ARHGAP5: variants seen among roughly 807,000 people sequenced by gnomAD.
ARHGAP5 encodes the protein rho GTPase-activating protein 5.
ARHGAP5 carries 23 observed loss-of-function variants against 116.6 expected under a neutral mutation model. The ratio of observed to expected loss-of-function variants is 0.20; its 90% CI spans 0.14 to 0.28. ARHGAP5 has a LOEUF of 0.28. Among genes scored for constraint, ARHGAP5 ranks in the 10% least tolerant of loss-of-function variants. The probability of loss-of-function intolerance (pLI) is 1.00; values close to 1 mark genes in which losing one functional copy is unlikely to be tolerated. For synonymous variants in ARHGAP5, 574 were observed against 602.0 expected (o/e 0.95, Z 0.68); for missense variants, 1,405 against 1,774.8 (o/e 0.79, Z 3.74).
At chr14:32,083,125 T>A (rs1385612013) in intron 1 of ARHGAP5, among the ~76,000 whole-genome samples, 1 of 152,280 alleles carries the variant, frequency 6.6e-6, no homozygotes, top group Non-Finnish European at 1.5e-5. Context: ...GTCTATTTTT[T>A]AAGGTTCACT....
rs570712351 is a variant in ARHGAP5, at chr14:32,146,174, G to A, written c.3866-89G>A. The stretch of plus-strand genomic sequence containing the variant: ...AGTTCTCCCACCTTGGCCTCCCAGA[G>A]TGCTGGGATTACAAACATGAGCCAC... On this transcript the variant is annotated intron_variant, in intron 3 of 6. Coordinates refer to ENST00000345122, the MANE Select transcript of ARHGAP5 (RefSeq NM_001030055.2). The A allele has an allele frequency of 5.2e-6, 5 of 963,434 alleles. No individual in the cohort carries two copies. The East Asian group carries it at 1.3e-4, about 25-fold the overall frequency. The allele number at this position is 963,434 out of a possible 1,614,324, so 59.7% of individuals were successfully genotyped here. A position where few individuals can be genotyped will look rare whatever the true frequency, so the allele number is the denominator to read the frequency against.
intron 1 of ARHGAP5, among the ~76,000 whole-genome samples, chr14:32,084,565 G>C (rs2041810266): frequency 1.3e-5 from 2 of 152,198 alleles, no homozygotes; most frequent in Non-Finnish European, 2.9e-5. Context: ...AGCCCTCACT[G>C]TGTATCAGGC....
chr14:32,121,336 C>T (rs986134617), intron 3 of ARHGAP5, among the ~76,000 whole-genome samples: 1 of 152,006 alleles, frequency 6.6e-6, no homozygotes, highest in Non-Finnish European at 1.5e-5. Flanking sequence ...TGTGATATAT[C>T]TTTTTCTTTA....
Position 32,092,192 on chromosome 14 carries a change from C to T in ARHGAP5, c.1523C>T (p.Ala508Val), listed in dbSNP as rs1878290359. Residue 508 changes from alanine to valine, a missense_variant, in exon 2 of 7, where the codon GCA becomes GTA. By Grantham distance (64) the Ala-to-Val change is moderately conservative. This residue lies in a region of ARHGAP5 where 944 missense variants were observed against 1,095.3 expected (regional missense o/e 0.86). Transcript: ENST00000345122. The surrounding 1 kb of genome is among the most constrained non-coding windows in gnomAD (Gnocchi z 4.1). Reference protein sequence around the residue: ...SELFYDLDLNATPSSDKMSEI... With the variant: ...SELFYDLDLNVTPSSDKMSEI... ...CTTTTTTATGATTTAGATCTTAATG[C>T]AACACCTAGTTCAGATAAAATGAGT... is the stretch of plus-strand genomic sequence containing the variant. 1.2e-6 allele frequency: 2 copies of T among 1,613,380 alleles called. No individual in the cohort carries two copies. The highest frequency in any genetic ancestry group is 1.3e-5 in the African/African-American group (1 of 74,896).
chr14:32,098,851 T>C (rs1410583076), intron 2 of ARHGAP5, among the ~76,000 whole-genome samples: 4 of 152,194 alleles, frequency 2.6e-5, no homozygotes, highest in Non-Finnish European at 2.9e-5. Flanking sequence ...TTACCAATGT[T>C]AGAGATTTTT....
chr14:32,151,911 T>G (rs1470815709), intron 5 of ARHGAP5, among the ~76,000 whole-genome samples: 1 of 151,916 alleles, frequency 6.6e-6, no homozygotes, highest in Non-Finnish European at 1.5e-5. Context: ...AAATAGATAA[T>G]GTTAGTTGAA....
At chr14:32,097,208 T>G (rs1878568474) in intron 2 of ARHGAP5, among the ~76,000 whole-genome samples, 1 of 152,308 alleles carries the variant, frequency 6.6e-6, no homozygotes, top group African/African-American at 2.4e-5. Flanking sequence ...AAACATAGCT[T>G]ATTCCAAGGG....
rs1313064193 is a variant in ARHGAP5, at chr14:32,156,780, C to G, written c.*1832C>G. On this transcript the variant is annotated 3_prime_UTR_variant, in exon 7 of 7. Coordinates refer to ENST00000345122, the MANE Select transcript of ARHGAP5 (RefSeq NM_001030055.2). Reference sequence around the variant, plus strand: ...ACTTTAAGAGTTTTATAAACTGTTTCTAGGTTGCTAAAGAATTTATTTTTC... The same window carrying G: ...ACTTTAAGAGTTTTATAAACTGTTTGTAGGTTGCTAAAGAATTTATTTTTC... 1 of 152,252 alleles carries G rather than the reference C, an allele frequency of 6.6e-6. No individual in the cohort carries two copies. The highest frequency in any genetic ancestry group is 1.5e-5 in the Non-Finnish European group (1 of 67,790). The allele number at this position is 152,252 out of a possible 1,614,324, so 9.4% of individuals were successfully genotyped here.
chr14:32,142,032 A>G (rs1346243819), intron 3 of ARHGAP5, among the ~76,000 whole-genome samples: 4 of 151,802 alleles, frequency 2.6e-5, no homozygotes, highest in Non-Finnish European at 5.9e-5. Context: ...TAACCTCTCA[A>G]CCTCTCTGGT....
At chr14:32,101,664 A>C (rs1365072779) in intron 2 of ARHGAP5, among the ~76,000 whole-genome samples, 1 of 151,998 alleles carries the variant, frequency 6.6e-6, no homozygotes, top group Admixed American at 6.6e-5. Flanking sequence ...AAAAAAAAAA[A>C]AAACTGGGTG....
chr14:32,152,626 G>T, intron 6 of ARHGAP5, 98 bp downstream of exon 6: 1 of 610,778 alleles, frequency 1.6e-6, no homozygotes, highest in Non-Finnish European at 2.8e-6. Context: ...ATAGAAAAGG[G>T]GACTCAGACT....
At chr14:32,119,424 G>C (rs1879771967) in intron 3 of ARHGAP5, among the ~76,000 whole-genome samples, 1 of 152,120 alleles carries the variant, frequency 6.6e-6, no homozygotes, top group East Asian at 1.9e-4. Flanking sequence ...AACCTTTCTT[G>C]AACAACCATG....
At chr14:32,152,360 C>T in intron 5 of ARHGAP5, 63 bp from the exon 6 acceptor site, 1 of 1,106,082 alleles carries the variant, frequency 9.0e-7, no homozygotes, top group South Asian at 1.4e-5. Flanking sequence ...TAGCAGGAAG[C>T]TTTATCAAAT....
chr14:32,149,236 A>C (rs1329049207), intron 4 of ARHGAP5, among the ~76,000 whole-genome samples: 1 of 150,538 alleles, frequency 6.6e-6, no homozygotes. Flanking sequence ...GGCTGGACTT[A>C]AACTCCTGGG....
intron 2 of ARHGAP5, among the ~76,000 whole-genome samples, chr14:32,098,977 C>A (rs552049740): frequency 6.6e-6 from 1 of 152,014 alleles, no homozygotes; most frequent in African/African-American, 2.4e-5. Flanking sequence ...TGTGGAAGAC[C>A]GTTTAGTATA....
At chr14:32,103,294 A>C (rs1878871653) in intron 2 of ARHGAP5, among the ~76,000 whole-genome samples, 1 of 152,164 alleles carries the variant, frequency 6.6e-6, no homozygotes, top group African/African-American at 2.4e-5. Context: ...ATCATGATTT[A>C]TTGCTTTTCA....
In ARHGAP5 at chr14:32,093,932, C is replaced by T. The variant is rs757296733; in HGVS notation, c.3263C>T (p.Ser1088Leu). The change falls in exon 2 of 7, where the codon TCA becomes TTA. Residue 1088 changes from serine (S) to leucine (L), a missense_variant. Ser to Leu is a moderately radical substitution (Grantham distance 145). Transcript: ENST00000345122. ...GCACATCCTGAAGATATGGATCCTT[C>T]AGATAACTATGCGGAACCCATTGAT... The part of the protein sequence containing the change: ...PLAHPEDMDP[S>L]DNYAEPIDTI... The T allele has an allele frequency of 4.3e-6, 7 of 1,613,970 alleles. No homozygotes were observed. The highest frequency in any genetic ancestry group is 2.2e-5 in the South Asian group (2 of 91,078).
intron 2 of ARHGAP5, among the ~76,000 whole-genome samples, chr14:32,101,641 T>G (rs1037601063): frequency 2.6e-5 from 4 of 151,536 alleles, no homozygotes; most frequent in African/African-American, 9.7e-5. Flanking sequence ...TTGAAAGAAT[T>G]TTGTGAAGGC....
intron 2 of ARHGAP5, among the ~76,000 whole-genome samples, chr14:32,107,435 T>A (rs1337475479): frequency 6.6e-6 from 1 of 151,028 alleles, no homozygotes; most frequent in African/African-American, 2.5e-5. Context: ...AACAGAAATC[T>A]TATGTGTGAA....
Sources: allele counts gnomAD v4.1 joint callset (sites outside exome capture counted in the v4.1 genomes callset), GRCh38; gene constraint gnomAD v4.1.1; regional missense constraint gnomAD v4.1.1; non-coding constraint Gnocchi (gnomAD v3.1); transcripts MANE v1.5; gene names NCBI Gene and HGNC (gene_info 2026-07-23, HGNC 2026-07-21).